The following C10orf90 variants were observed in gnomAD, a reference collection of about 807,000 sequenced individuals.
C10orf90 encodes the protein (E2-independent) E3 ubiquitin-conjugating enzyme FATS.
C10orf90 carries 56 observed loss-of-function variants against 62.5 expected under a neutral mutation model. That is an observed-to-expected ratio of 0.90 (90% confidence interval 0.72 to 1.12). The LOEUF (loss-of-function observed/expected upper bound fraction) is 1.12, where lower values mean the gene tolerates loss of function less well. Among genes scored for constraint, C10orf90 ranks in the 50% most tolerant of loss-of-function variants. The pLI is 0.00. For missense variants in C10orf90, 970 were observed against 880.4 expected (o/e 1.10, Z -1.29); for synonymous variants, 386 against 340.4 (o/e 1.13, Z -1.47).
chr10:126,558,375 C>T (rs190123034), intron 2 of C10orf90, among the ~76,000 whole-genome samples: 111 of 152,266 alleles, frequency 7.3e-4, no homozygotes, highest in African/African-American at 2.6e-3. Flanking sequence ...CGAAGCATGA[C>T]ATACAAGACT....
chr10:126,487,623 C>G (rs1175626053), intron 4 of C10orf90, among the ~76,000 whole-genome samples: 2 of 152,066 alleles, frequency 1.3e-5, no homozygotes, highest in Non-Finnish European at 2.9e-5. Context: ...TTTAGGATTT[C>G]CACTTTCTCC....
chr10:126,653,409 G>A (rs887007078), intron 1 of C10orf90, among the ~76,000 whole-genome samples: 1 of 152,222 alleles, frequency 6.6e-6, no homozygotes, highest in African/African-American at 2.4e-5. Context: ...AATGTCCACA[G>A]AATCTTCACC....
chr10:126,440,046 A>G (rs1858204873), intron 7 of C10orf90, among the ~76,000 whole-genome samples: 1 of 152,200 alleles, frequency 6.6e-6, no homozygotes, highest in African/African-American at 2.4e-5. Flanking sequence ...CCAGTTAAGA[A>G]GCCTCCTGGC....
At chr10:126,643,427 C>T (rs1284142671) in intron 2 of C10orf90, among the ~76,000 whole-genome samples, 1 of 152,186 alleles carries the variant, frequency 6.6e-6, no homozygotes, top group African/African-American at 2.4e-5. Flanking sequence ...ATTCTACGGG[C>T]CTACTTATGC....
At chr10:126,471,460 A>T (rs1436395909) in intron 4 of C10orf90, among the ~76,000 whole-genome samples, 2 of 152,232 alleles carry the variant, frequency 1.3e-5, no homozygotes, top group Non-Finnish European at 2.9e-5. Flanking sequence ...ACTGACTTGT[A>T]AACTGTGGTA....
rs150558934 is a variant in C10orf90 at position 126,473,007 on chromosome 10, T to A, written c.1535-8021A>T. Among the ~76,000 whole-genome samples the A allele has an allele frequency of 1.3e-3, 195 of 152,286 alleles. 1 individual carries two copies. The highest frequency in any genetic ancestry group is 4.3e-3 in the African/African-American group (178 of 41,536). ...CTCAAATAAATTTTTTGACTTCTCT[T>A]CAATTTAACTATTTATTGAGTAACT... On this transcript the variant is annotated intron_variant, in intron 4 of 9. Coordinates refer to ENST00000488181, the MANE Select transcript of C10orf90 (RefSeq NM_001350921.2).
chr10:126,512,319 GTGTGT>G (rs1408964181), intron 3 of C10orf90, among the ~76,000 whole-genome samples: 4 of 150,810 alleles, frequency 2.7e-5, no homozygotes, highest in African/African-American at 9.8e-5. Context: ...CTGTGTGTGT[GTGTGT>G]TCTATGTGTG....
rs761683925 is a variant in C10orf90 at position 126,456,362 on chromosome 10, C to A, written c.2188+2678G>T. On this transcript the variant is annotated intron_variant, in intron 7 of 9. Coordinates refer to ENST00000488181, the MANE Select transcript of C10orf90 (RefSeq NM_001350921.2). This position sits in a 1 kb window ranked among gnomAD's most constrained non-coding sequence, Gnocchi z 4.9. The stretch of plus-strand genomic sequence containing the variant: ...ATGGTCAGGGTGGCCATAAAACCCA[C>A]GTTGGCCAAGTCCCACTTTGAGAGC... Among the ~76,000 whole-genome samples, 1 of 152,136 alleles carries A rather than the reference C, an allele frequency of 6.6e-6. No individual in the cohort carries two copies. The highest frequency in any genetic ancestry group is 2.4e-5 in the African/African-American group (1 of 41,430).
At chr10:126,478,348 C>T (rs910852190) in intron 4 of C10orf90, among the ~76,000 whole-genome samples, 3 of 152,216 alleles carry the variant, frequency 2.0e-5, no homozygotes, top group Non-Finnish European at 4.4e-5. Context: ...CGCCATCCTG[C>T]TCCAGGAGGG....
chr10:126,638,923 C>T (rs913850476), intron 2 of C10orf90, among the ~76,000 whole-genome samples: 1 of 152,228 alleles, frequency 6.6e-6, no homozygotes, highest in Admixed American at 6.5e-5. Flanking sequence ...ATTTCCATCA[C>T]GCTAGAGCAG....
chr10:126,539,013 G>T (rs1864312266), intron 2 of C10orf90, among the ~76,000 whole-genome samples: 1 of 152,196 alleles, frequency 6.6e-6, no homozygotes, highest in Non-Finnish European at 1.5e-5. Flanking sequence ...ATAAAGCTGG[G>T]CCTGGAGCAA....
intron 8 of C10orf90, among the ~76,000 whole-genome samples, chr10:126,427,508 G>A (rs1444441954): frequency 1.3e-5 from 2 of 152,194 alleles, no homozygotes; most frequent in Non-Finnish European, 2.9e-5. Context: ...ACTGGAAGAG[G>A]AAGACCTACA....
intron 2 of C10orf90, among the ~76,000 whole-genome samples, chr10:126,588,465 C>G (rs775393945): frequency 1.3e-5 from 2 of 152,158 alleles, no homozygotes; most frequent in Non-Finnish European, 2.9e-5. Context: ...TAGGAAGGAG[C>G]TCCCAGAGGA....
chr10:126,461,694 G>T, intron 5 of C10orf90, 109 bp from the exon 6 acceptor site: 1 of 1,093,736 alleles, frequency 9.1e-7, no homozygotes. Flanking sequence ...AACGCCAGTG[G>T]ACTATTAATG....
chr10:126,504,986 G>A lies in C10orf90; in HGVS notation c.505C>T (p.Leu169=), dbSNP rs745803014. ...KSRENRASLP[L]PCAIAQSRAH... is the part of the protein sequence containing the mutation. ...CGAGACTGAGCAATGGCACACGGTA[G>A]GGGCAAGGAGGCCCTGTTTTCTCTT... Residue 169 remains leucine (L), a synonymous_variant, in exon 4 of 10, where the codon CTA becomes TTA. Coordinates refer to ENST00000488181, the MANE Select transcript of C10orf90 (RefSeq NM_001350921.2). The surrounding 1 kb of genome is among the most constrained non-coding windows in gnomAD (Gnocchi z 4.1). The A allele has an allele frequency of 6.2e-7, 1 of 1,614,242 alleles. No homozygotes were observed. The highest frequency in any genetic ancestry group is 8.5e-7 in the Non-Finnish European group (1 of 1,180,042).
At chr10:126,473,298 T>C (rs1860683715) in intron 4 of C10orf90, among the ~76,000 whole-genome samples, 1 of 152,218 alleles carries the variant, frequency 6.6e-6, no homozygotes, top group African/African-American at 2.4e-5. Context: ...CCACCTCTGT[T>C]GTCAGGCACA....
Position 126,642,469 on chromosome 10 carries a change from T to C in C10orf90, c.313+4096A>G, listed in dbSNP as rs1846084259. 2.0e-5 allele frequency among the ~76,000 whole-genome samples: 3 copies of C among 152,154 alleles called. 1 individual carries two copies. The South Asian group carries it at 6.2e-4, about 32-fold the overall frequency. On this transcript the variant is annotated intron_variant, in intron 2 of 9. Transcript: ENST00000488181. Reference sequence around the variant, plus strand: ...ATGGCATGAACCCGGGAGGCAGAGCTTGCAGTAAGCCCAGATCGCGCCACT... The same window carrying C: ...ATGGCATGAACCCGGGAGGCAGAGCCTGCAGTAAGCCCAGATCGCGCCACT...
chr10:126,619,440 C>A lies in C10orf90; in HGVS notation c.313+27125G>T, dbSNP rs569054076. ...CATAAGCATGTCAACTGCTTCAAAT[C>A]TTTATAAACTCTTGACAACGTCTAC... On this transcript the variant is annotated intron_variant, in intron 2 of 9. Coordinates refer to ENST00000488181, the MANE Select transcript of C10orf90 (RefSeq NM_001350921.2). Among the ~76,000 whole-genome samples, 8 of 152,304 alleles carry A rather than the reference C, an allele frequency of 5.3e-5. No homozygotes were observed. In the South Asian group the frequency reaches 1.5e-3, roughly 28 times the overall value.
chr10:126,556,028 G>A (rs182199518), intron 2 of C10orf90, among the ~76,000 whole-genome samples: 128 of 152,256 alleles, frequency 8.4e-4, no homozygotes, highest in African/African-American at 2.9e-3. Flanking sequence ...TTGACCTCAC[G>A]TTAACCAAAA....
Sources: allele counts gnomAD v4.1 joint callset (sites outside exome capture counted in the v4.1 genomes callset), GRCh38; gene constraint gnomAD v4.1.1; non-coding constraint Gnocchi (gnomAD v3.1); transcripts MANE v1.5; gene names NCBI Gene and HGNC (gene_info 2026-07-23, HGNC 2026-07-21).